Variants in WWTR1 observed in about 807,000 individuals in gnomAD.
WWTR1 encodes the protein WW domain-containing transcription regulator protein 1.
A neutral mutation model predicts 40.1 loss-of-function variants in WWTR1; 13 were observed. The ratio of observed to expected loss-of-function variants is 0.32; its 90% confidence interval spans 0.21 to 0.52. The LOEUF (loss-of-function observed/expected upper bound fraction) is 0.52, where lower values mean the gene tolerates loss of function less well. WWTR1 is among the 20% of genes least tolerant of loss of function. The pLI is 0.97. For synonymous variants in WWTR1, 230 were observed against 210.1 expected (o/e 1.09, Z -0.82); for missense variants, 436 against 523.1 (o/e 0.83, Z 1.63).
At chr3:149,669,086 T>C (rs757444387) in intron 2 of WWTR1, among the ~76,000 whole-genome samples, 20 of 152,190 alleles carry the variant, frequency 1.3e-4, no homozygotes, top group Non-Finnish European at 2.9e-4. Flanking sequence ...GTTTTTACCT[T>C]TAGTCAGTCT....
At position 149,657,074 on chromosome 3, in the gene WWTR1, A is replaced by T; in HGVS notation, c.233T>A (p.Leu78Gln). The T allele has an allele frequency of 6.4e-7, 1 of 1,569,670 alleles. No individual in the cohort carries two copies. Among genetic ancestry groups the T allele is most frequent in the Non-Finnish European group, 8.6e-7 (1 of 1,161,454 alleles). ...DSSGGHPGPR[L>Q]AGGAQHVRSH... Reference sequence around the variant, plus strand: ...GCGGACATGCTGGGCACCCCCAGCCAGTCGAGGCCCCGGGTGGCCGCCCGA... The same window carrying T: ...GCGGACATGCTGGGCACCCCCAGCCTGTCGAGGCCCCGGGTGGCCGCCCGA... The change falls in exon 2 of 7, where the codon CTG becomes CAG. Residue 78 changes from leucine to glutamine, a missense_variant. Physicochemically the swap from Leu to Gln is moderately radical, Grantham distance 113 (BLOSUM62 -2). Coordinates refer to ENST00000360632, the MANE Select transcript of WWTR1 (RefSeq NM_015472.6).
chr3:149,684,223 T>C (rs1218368186), intron 1 of WWTR1, among the ~76,000 whole-genome samples: 1 of 152,114 alleles, frequency 6.6e-6, no homozygotes, highest in Non-Finnish European at 1.5e-5. Flanking sequence ...GGTCTCGCTA[T>C]GTTGCCCAGG....
At chr3:149,686,135 C>G (rs12635739) in intron 1 of WWTR1, among the ~76,000 whole-genome samples, 21,239 of 152,102 alleles carry the variant, frequency 0.14, 2,049 homozygotes, top group African/African-American at 0.28. Flanking sequence ...CAAGAGGTTA[C>G]CAAGTAGAGC....
chr3:149,665,293 T>G (rs1431065043), intron 2 of WWTR1, among the ~76,000 whole-genome samples: 2 of 150,714 alleles, frequency 1.3e-5, no homozygotes, highest in East Asian at 2.0e-4. Flanking sequence ...TGGCGTCATC[T>G]TGGCTCACTG....
At chr3:149,714,811 G>A (rs1034374548) in intron 5 of WWTR1, among the ~76,000 whole-genome samples, 5 of 152,248 alleles carry the variant, frequency 3.3e-5, no homozygotes, top group African/African-American at 1.2e-4. Flanking sequence ...GCCCATCCAC[G>A]GCCACCCATG....
intron 3 of WWTR1, among the ~76,000 whole-genome samples, chr3:149,557,320 C>T (rs1232886108): frequency 6.6e-6 from 1 of 152,146 alleles, no homozygotes; most frequent in East Asian, 1.9e-4. Context: ...GATCCGCCCG[C>T]CTGGGCCTCC....
chr3:149,610,164 T>C lies in WWTR1; in HGVS notation c.432-37164A>G, dbSNP rs538613030. ...AAATGCAAACTGCCATTATATACTA[T>C]ACATCTTCTAAAAATTGAAAATCAT... On this transcript the variant is annotated intron_variant, in intron 2 of 6. Transcript: ENST00000360632. Among the ~76,000 whole-genome samples the C allele has an allele frequency of 3.3e-5, 5 of 152,376 alleles. No individual in the cohort carries two copies. The South Asian group carries it at 8.3e-4, about 25-fold the overall frequency.
chr3:149,596,462 A>G lies in WWTR1; in HGVS notation c.432-23462T>C, dbSNP rs537860650. On this transcript the variant is annotated intron_variant, in intron 2 of 6. Transcript: ENST00000360632. Reference sequence around the variant, plus strand: ...TCCCTCTGTAACCTGTTCCTCTGTCAGTGCACTGATTAAGTTAGAAAAGGT... The same window carrying G: ...TCCCTCTGTAACCTGTTCCTCTGTCGGTGCACTGATTAAGTTAGAAAAGGT... Among the ~76,000 whole-genome samples, 23 of 151,956 alleles carry G rather than the reference A, an allele frequency of 1.5e-4. No individual in the cohort carries two copies. The South Asian group carries it at 3.8e-3, about 25-fold the overall frequency.
At chr3:149,602,663 T>A (rs1328264885) in intron 2 of WWTR1, among the ~76,000 whole-genome samples, 2 of 152,166 alleles carry the variant, frequency 1.3e-5, no homozygotes, top group African/African-American at 4.8e-5. Context: ...GAGAAAAGGC[T>A]TCCCCCCCAA....
intron 2 of WWTR1, among the ~76,000 whole-genome samples, chr3:149,577,173 A>G (rs1737922433): frequency 6.6e-6 from 1 of 152,136 alleles, no homozygotes; most frequent in African/African-American, 2.4e-5. Context: ...ACAAACAAAC[A>G]AACAAACAAA....
At chr3:149,683,848 G>A (rs1714541581) in intron 1 of WWTR1, among the ~76,000 whole-genome samples, 1 of 152,182 alleles carries the variant, frequency 6.6e-6, no homozygotes, top group Non-Finnish European at 1.5e-5. Flanking sequence ...AGACGAGCTG[G>A]GGTGGAGATT....
rs146179539 is a variant in WWTR1, at chr3:149,603,258, T to C, written c.432-30258A>G. Among the ~76,000 whole-genome samples, 9 of 152,104 alleles carry C rather than the reference T, an allele frequency of 5.9e-5. No homozygotes were observed. The East Asian group carries it at 9.7e-4, about 16-fold the overall frequency. ...TACTAAGTTCAATCAAGGAACCAGA[T>C]TCTATGAAATAATAAAAGGAAAATG... is the stretch of plus-strand genomic sequence containing the variant. On this transcript the variant is annotated intron_variant, in intron 2 of 6. Transcript: ENST00000360632.
intron 5 of WWTR1, among the ~76,000 whole-genome samples, chr3:149,712,529 C>G (rs1227972925): frequency 1.3e-5 from 2 of 152,136 alleles, no homozygotes; most frequent in Non-Finnish European, 2.9e-5. Flanking sequence ...CACTTTTTCA[C>G]TAAACTGGAT....
chr3:149,565,251 T>C (rs1737256641), intron 3 of WWTR1, among the ~76,000 whole-genome samples: 1 of 152,068 alleles, frequency 6.6e-6, no homozygotes, highest in African/African-American at 2.4e-5. Context: ...ATTTACTGGC[T>C]ATTATAACTA....
chr3:149,607,904 C>T (rs557977363), intron 2 of WWTR1, among the ~76,000 whole-genome samples: 1 of 152,296 alleles, frequency 6.6e-6, no homozygotes, highest in East Asian at 1.9e-4. Context: ...AGTACACCTC[C>T]TCTGAAAAGT....
At chr3:149,558,437 A>G (rs1736940334) in intron 3 of WWTR1, among the ~76,000 whole-genome samples, 1 of 152,208 alleles carries the variant, frequency 6.6e-6, no homozygotes, top group Non-Finnish European at 1.5e-5. Flanking sequence ...GCCATACCTT[A>G]TAGAGACCTG....
chr3:149,542,668 C>G, intron 3 of WWTR1, 131 bp from the exon 4 acceptor site: 1 of 974,680 alleles, frequency 1.0e-6, no homozygotes, highest in Non-Finnish European at 1.5e-6. Context: ...TCCTGTTAAC[C>G]ATTACTGTTT....
intron 2 of WWTR1, among the ~76,000 whole-genome samples, chr3:149,592,164 A>G (rs1020580853): frequency 2.0e-5 from 3 of 152,324 alleles, no homozygotes; most frequent in African/African-American, 7.2e-5. Context: ...GAAAACACTG[A>G]ATGTTATATT....
rs1712862862 is a variant in WWTR1, at chr3:149,651,511, T to C, written c.431+5365A>G. Among the ~76,000 whole-genome samples the C allele has an allele frequency of 2.0e-5, 3 of 152,134 alleles. No homozygotes were observed. In the South Asian group the frequency reaches 6.2e-4, roughly 31 times the overall value. The stretch of plus-strand genomic sequence containing the variant: ...GATAGGTTAGACAAGATTGAGAGCC[T>C]AGAAAACTTTTGAGATCATAATAAT... On this transcript the variant is annotated intron_variant, in intron 2 of 6. Transcript: ENST00000360632.
Sources: allele counts gnomAD v4.1 joint callset (sites outside exome capture counted in the v4.1 genomes callset), GRCh38; gene constraint gnomAD v4.1.1; transcripts MANE v1.5; gene names NCBI Gene and HGNC (gene_info 2026-07-23, HGNC 2026-07-21).